Variants in ROBO3 observed in about 807,000 individuals in gnomAD.
ROBO3 encodes the protein roundabout homolog 3.
ROBO3 carries 97 observed loss-of-function variants against 160.5 expected under a neutral mutation model. The ratio of observed to expected loss-of-function variants is 0.60; its 90% CI spans 0.51 to 0.72. ROBO3 has a LOEUF of 0.72. Ranked by LOEUF, ROBO3 falls within the 30% of genes least tolerant of loss-of-function variation. The pLI, the probability that ROBO3 is intolerant of heterozygous loss-of-function variation, is 0.00. For synonymous variants in ROBO3, 780 were observed against 746.2 expected (o/e 1.05, Z -0.74); for missense variants, 1,858 against 1,846.5 (o/e 1.01, Z -0.11).
At chr11:124,866,432 A>AGCCTGCGGAGAGGCCGGAGCGCGCCCCCT in intron 1 of ROBO3, among the ~76,000 whole-genome samples, 1 of 152,282 alleles carries the variant, frequency 6.6e-6, no homozygotes, top group South Asian at 2.1e-4. Flanking sequence ...GGCCGCCGCC[A>AGCCTGCGGAGAGGCCGGAGCGCGCCCCCT]GCCTGCGGAG....
Position 124,870,019 on chromosome 11 carries a change from C to T in ROBO3, c.717C>T (p.Ser239=). 6.2e-7 allele frequency: 1 copy of T among 1,613,990 alleles called. No individual in the cohort carries two copies. Among genetic ancestry groups the T allele is most frequent in the Non-Finnish European group, 8.5e-7 (1 of 1,179,888 alleles). The change falls in exon 4 of 28, where the codon TCC becomes TCT. Residue 239 remains serine, a synonymous_variant. Coordinates refer to ENST00000397801, the MANE Select transcript of ROBO3 (RefSeq NM_022370.4). ...SDAGMYVCVA[S]NMAGERESAA... is the part of the protein sequence containing the mutation. ...CAGGCATGTATGTGTGCGTAGCCTC[C>T]AACATGGCGGGAGAACGGGAGAGTG...
Position 124,876,434 on chromosome 11 carries a change from A to G in ROBO3, c.2753A>G (p.Gln918Arg). The change falls in exon 17 of 28, where the codon CAG becomes CGG. Residue 918 changes from glutamine (Q) to arginine (R), a missense_variant. Gln to Arg is a conservative substitution (Grantham distance 43). Transcript: ENST00000397801. The surrounding 1 kb of genome is among the most constrained non-coding windows in gnomAD (Gnocchi z 5.3). ...GCCGCCCTCTACTGGCGCCGGAAAC[A>G]GCGCAAAGAGCTCAGCCACTACACG... Reference protein sequence around the residue: ...LCAALYWRRKQRKELSHYTAS... With the variant: ...LCAALYWRRKRRKELSHYTAS... 6.9e-7 allele frequency: 1 copy of G among 1,444,702 alleles called. No individual in the cohort carries two copies. The highest frequency in any genetic ancestry group is 1.4e-5 in the South Asian group (1 of 71,262). 89.5% of individuals were successfully genotyped at this position (1,444,702 alleles called of 1,614,324 possible).
At chr11:124,879,115 AGCACAGTGCCAG>A in intron 23 of ROBO3, 63 bp from the exon 24 acceptor site, 1 of 1,474,260 alleles carries the variant, frequency 6.8e-7, no homozygotes. Context: ...TTGATTGTCT[AGCACAGTGCCAG>A]GCACATAGTA....
Position 124,873,360 on chromosome 11 carries a change from A to G in ROBO3, c.1587A>G (p.Glu529=), listed in dbSNP as rs1253484590. ...GCGTGGCCAAGAGTTCCACAGGGGA[A>G]GCCACATGGAGCGGCTGGCTTAAGA... The part of the protein sequence containing the change: ...YSCVAKSSTG[E]ATWSGWLKMR... Residue 529 remains glutamate (E), a synonymous_variant, in exon 10 of 28, where the codon GAA becomes GAG. Transcript: ENST00000397801. This position sits in a 1 kb window ranked among gnomAD's most constrained non-coding sequence, Gnocchi z 4.5. 1.7e-5 allele frequency: 28 copies of G among 1,612,530 alleles called. No homozygotes were observed. Among genetic ancestry groups the G allele is most frequent in the Non-Finnish European group, 2.2e-5 (26 of 1,179,462 alleles).
rs1466322022 is a variant in ROBO3 at position 124,879,840 on chromosome 11, G to C, written c.3850G>C (p.Glu1284Gln). 6.2e-7 allele frequency: 1 copy of C among 1,613,862 alleles called. No homozygotes were observed. Among genetic ancestry groups the C allele is most frequent in the Non-Finnish European group, 8.5e-7 (1 of 1,179,850 alleles). The stretch of plus-strand genomic sequence containing the variant: ...AGAGGAAGAGGCGAGCTGGGCCCTA[G>C]AGCTGAGGGCAGCAGGCAGCATGTC... ...PPEEEASWAL[E>Q]LRAAGSMSSL... The change falls in exon 26 of 28, where the codon GAG becomes CAG. Residue 1284 changes from glutamate (E) to glutamine (Q), a missense_variant. Glu to Gln is a conservative substitution (Grantham distance 29). Coordinates refer to ENST00000397801, the MANE Select transcript of ROBO3 (RefSeq NM_022370.4).
At position 124,876,848 on chromosome 11, in the gene ROBO3, A is replaced by AGCCAGG. The variant is rs914016697; in HGVS notation, c.2780-312_2780-311insCCAGGG. ...ATTGTGCGGCGGGGTCTGGATGGAA[A>AGCCAGG]GGCGGGGCCCGCTGAAAGAAGGCGA... On this transcript the variant is annotated intron_variant, in intron 17 of 27. Coordinates refer to ENST00000397801, the MANE Select transcript of ROBO3 (RefSeq NM_022370.4). The surrounding 1 kb of genome is among the most constrained non-coding windows in gnomAD (Gnocchi z 5.3). 1.2e-5 allele frequency: 7 copies of AGCCAGG among 560,476 alleles called. No individual in the cohort carries two copies. In the Admixed American group the frequency reaches 2.2e-4, roughly 18 times the overall value. The allele number at this position is 560,476 out of a possible 1,614,324, so 34.7% of individuals were successfully genotyped here.
chr11:124,875,943 G>A lies in ROBO3; in HGVS notation c.2422-11G>A. On this transcript the variant is annotated splice_polypyrimidine_tract_variant and intron_variant, in intron 15 of 27. Transcript: ENST00000397801. Reference sequence around the variant, plus strand: ...ATTTCTGACTCTAAATCCGGGACTCGGCCTCCCTAGATCTGGTGCCTGGGC... The same window carrying A: ...ATTTCTGACTCTAAATCCGGGACTCAGCCTCCCTAGATCTGGTGCCTGGGC... The A allele has an allele frequency of 6.3e-7, 1 of 1,590,064 alleles. No homozygotes were observed.
In ROBO3 at chr11:124,865,550, C is replaced by G. The variant is rs757016180; in HGVS notation, c.-28C>G. On this transcript the variant is annotated 5_prime_UTR_variant, in exon 1 of 28. Transcript: ENST00000397801. This position sits in a 1 kb window ranked among gnomAD's most constrained non-coding sequence, Gnocchi z 5.5. ...GACCCAGGGGCTGGGCCCCCAGCCC[C>G]CAGTCCCGATCCCAGCTGGGTCGAG... 14 of 1,607,220 alleles carry G rather than the reference C, an allele frequency of 8.7e-6. No individual in the cohort carries two copies. The East Asian group carries it at 3.1e-4, about 36-fold the overall frequency.
At position 124,873,917 on chromosome 11, in the gene ROBO3, GC is replaced by G; in HGVS notation, c.1784+58del. On this transcript the variant is annotated intron_variant, in intron 11 of 27. Coordinates refer to ENST00000397801, the MANE Select transcript of ROBO3 (RefSeq NM_022370.4). The surrounding 1 kb of genome is among the most constrained non-coding windows in gnomAD (Gnocchi z 4.5). Reference sequence around the variant, plus strand: ...GAGAGTTAAAAGGAGGGGATCCTATGCCCTTAGGGTCTTTGCTATTGTGAGG... The same window carrying G: ...GAGAGTTAAAAGGAGGGGATCCTATGCCTTAGGGTCTTTGCTATTGTGAGG... 7 of 1,602,206 alleles carry G rather than the reference GC, an allele frequency of 4.4e-6. No homozygotes were observed. Among genetic ancestry groups the G allele is most frequent in the Non-Finnish European group, 6.0e-6 (7 of 1,170,516 alleles).
At position 124,872,892 on chromosome 11, in the gene ROBO3, G is replaced by T; in HGVS notation, c.1339G>T (p.Asp447Tyr). The change falls in exon 9 of 28, where the codon GAT becomes TAT. Residue 447 changes from aspartate (D) to tyrosine (Y), a missense_variant. Coordinates refer to ENST00000397801, the MANE Select transcript of ROBO3 (RefSeq NM_022370.4). The surrounding 1 kb of genome is among the most constrained non-coding windows in gnomAD (Gnocchi z 4.3). ...CGTTCTTCCTCTCTCAGCCTCTTTG[G>T]ATGGGCTGCCTCCTGTCATCCTCCA... ...ALLEIKGASLDGLPPVILQGP... is the reference protein window; with the variant it reads ...ALLEIKGASLYGLPPVILQGP... 4.4e-6 allele frequency: 7 copies of T among 1,603,740 alleles called. No homozygotes were observed. Among genetic ancestry groups the T allele is most frequent in the Non-Finnish European group, 6.0e-6 (7 of 1,175,378 alleles).
rs558038488 is a variant in ROBO3, at chr11:124,866,428, C to A, written c.160+691C>A. 1.2e-3 allele frequency among the ~76,000 whole-genome samples: 188 copies of A among 152,312 alleles called. 1 individual carries two copies. The highest frequency in any genetic ancestry group is 4.2e-3 in the African/African-American group (175 of 41,586). ...CGGGGAAGCTGCGGGAGCCGGCCGC[C>A]GCCAGCCTGCGGAGAGGCCGGAGCG... On this transcript the variant is annotated intron_variant, in intron 1 of 27. Coordinates refer to ENST00000397801, the MANE Select transcript of ROBO3 (RefSeq NM_022370.4).
chr11:124,869,593 GAAGGAAGGATC>G lies in ROBO3; in HGVS notation c.633_643del (p.Glu211AspfsTer37). On this transcript the variant is annotated frameshift_variant, in exon 3 of 28. Coordinates refer to ENST00000397801, the MANE Select transcript of ROBO3 (RefSeq NM_022370.4). LOFTEE classifies it high-confidence loss of function. This position sits in a 1 kb window ranked among gnomAD's most constrained non-coding sequence, Gnocchi z 4.2. ...GGACGGTGCAAGACTCAAGGAAGAGGAAGGAAGGATCACGGTGAGGGCGGGATTATGATTGG... is the reference window on the plus strand; with the variant it reads ...GGACGGTGCAAGACTCAAGGAAGAGGACGGTGAGGGCGGGATTATGATTGG... The G allele has an allele frequency of 6.3e-7, 1 of 1,574,816 alleles. No individual in the cohort carries two copies.
intron 1 of ROBO3, 180 bp from the exon 2 acceptor site, chr11:124,868,622 G>T: frequency 1.4e-6 from 1 of 727,534 alleles, no homozygotes; most frequent in South Asian, 1.5e-5. Context: ...GAGGAACGCG[G>T]AACGTCTGCC....
chr11:124,872,770 C>A lies in ROBO3; in HGVS notation c.1331-114C>A. ...GATTATCAAAGCCCCCTCTGATCAC[C>A]GGAAGTTTCAGGGGCTGGGGTAGGG... On this transcript the variant is annotated intron_variant, in intron 8 of 27. Transcript: ENST00000397801. This position sits in a 1 kb window ranked among gnomAD's most constrained non-coding sequence, Gnocchi z 4.3. The A allele has an allele frequency of 9.8e-7, 1 of 1,024,298 alleles. No homozygotes were observed. Among genetic ancestry groups the A allele is most frequent in the Non-Finnish European group, 1.4e-6 (1 of 720,254 alleles). 63.5% of individuals were successfully genotyped at this position (1,024,298 alleles called of 1,614,324 possible). A position where few individuals can be genotyped will look rare whatever the true frequency, so the allele number is the denominator to read the frequency against.
Position 124,872,468 on chromosome 11 carries a change from C to T in ROBO3, c.1246C>T (p.Arg416Cys), listed in dbSNP as rs751244211. The stretch of plus-strand genomic sequence containing the variant: ...CCAACTTAACATCACCGCGGTGCAG[C>T]GTGGGGATGCTGGGTACTACGTGTG... ...RGQLNITAVQ[R>C]GDAGYYVCQA... Residue 416 changes from arginine (R) to cysteine (C), a missense_variant, in exon 8 of 28, where the codon CGT becomes TGT. Transcript: ENST00000397801. The surrounding 1 kb of genome is among the most constrained non-coding windows in gnomAD (Gnocchi z 4.3). 16 of 1,613,932 alleles carry T rather than the reference C, an allele frequency of 9.9e-6. No individual in the cohort carries two copies. Among genetic ancestry groups the T allele is most frequent in the Non-Finnish European group, 1.3e-5 (15 of 1,179,868 alleles).
rs142090631 is a variant in ROBO3, at chr11:124,870,248, G to A, written c.850G>A (p.Asp284Asn). 6.6e-3 allele frequency: 10,648 copies of A among 1,614,056 alleles called. 44 individuals are homozygous for A. The highest frequency in any genetic ancestry group is 0.029 in the Middle Eastern group (176 of 6,062). ...GACTTTCCTATGTGAGGTGAAGGGGGATCCCCCACCTCGTCTACGCTGGCG... is the reference window on the plus strand; with the variant it reads ...GACTTTCCTATGTGAGGTGAAGGGGAATCCCCCACCTCGTCTACGCTGGCG... ...PVTFLCEVKG[D>N]PPPRLRWRKE... Residue 284 changes from aspartate to asparagine, a missense_variant, in exon 5 of 28, where the codon GAT becomes AAT. By Grantham distance (23) the Asp-to-Asn change is conservative (BLOSUM62 1). Transcript: ENST00000397801.
Position 124,876,294 on chromosome 11 carries a change from G to T in ROBO3, c.2613G>T (p.Glu871Asp). 4.8e-6 allele frequency: 7 copies of T among 1,462,516 alleles called. No homozygotes were observed. The highest frequency in any genetic ancestry group is 6.3e-6 in the Non-Finnish European group (7 of 1,119,946). The allele number at this position is 1,462,516 out of a possible 1,614,324, so 90.6% of individuals were successfully genotyped here. A position where few individuals can be genotyped will look rare whatever the true frequency, so the allele number is the denominator to read the frequency against. The change falls in exon 17 of 28, where the codon GAG becomes GAT. Residue 871 changes from glutamate to aspartate, a missense_variant. Coordinates refer to ENST00000397801, the MANE Select transcript of ROBO3 (RefSeq NM_022370.4). The surrounding 1 kb of genome is among the most constrained non-coding windows in gnomAD (Gnocchi z 5.3). ...CCACAGCGTCCCCGCCGGACCTGGAGCCCGGGCTGGAGGTGGGCGCGGGGC... is the reference window on the plus strand; with the variant it reads ...CCACAGCGTCCCCGCCGGACCTGGATCCCGGGCTGGAGGTGGGCGCGGGGC... ...LVQLPSPPDLEPGLEVGAGLA... is the reference protein window; with the variant it reads ...LVQLPSPPDLDPGLEVGAGLA...
rs75098003 is a variant in ROBO3, at chr11:124,877,943, G to T, written c.2993G>T (p.Gly998Val). ...DPDDRYYNEA[G>V]ISLYLAQTAR... Reference sequence around the variant, plus strand: ...CCCTCTTTCTTCTCTGCAGAAGCGGGAATCTCCCTGTATCTAGCTCAGACG... The same window carrying T: ...CCCTCTTTCTTCTCTGCAGAAGCGGTAATCTCCCTGTATCTAGCTCAGACG... Residue 998 changes from glycine to valine, a missense_variant, in exon 21 of 28, where the codon GGA becomes GTA. By Grantham distance (109) the Gly-to-Val change is moderately radical (BLOSUM62 -3). Transcript: ENST00000397801. The T allele has an allele frequency of 2.5e-3, 4,064 of 1,601,544 alleles. 10 individuals are homozygous for T. The highest frequency in any genetic ancestry group is 9.3e-3 in the Middle Eastern group (56 of 6,048).
rs1565313592 is a variant in ROBO3 at position 124,876,125 on chromosome 11, C to T, written c.2593C>T (p.Pro865Ser). 3.1e-6 allele frequency: 5 copies of T among 1,598,044 alleles called. No homozygotes were observed. The highest frequency in any genetic ancestry group is 4.5e-5 in the East Asian group (2 of 44,720). The stretch of plus-strand genomic sequence containing the variant: ...CAGTGCCCCAGTGCTGGTGCAGCTG[C>T]GTGAGTCCACCCGAGGGCAGTGCTG... ...VPSAPVLVQL[P>S]SPPDLEPGLE... The change falls in exon 16 of 28, where the codon CCG becomes TCG. Residue 865 changes from proline (P) to serine (S), a missense_variant and splice_region_variant. Transcript: ENST00000397801. This position sits in a 1 kb window ranked among gnomAD's most constrained non-coding sequence, Gnocchi z 5.3.
Sources: allele counts gnomAD v4.1 joint callset (sites outside exome capture counted in the v4.1 genomes callset), GRCh38; gene constraint gnomAD v4.1.1; non-coding constraint Gnocchi (gnomAD v3.1); transcripts MANE v1.5; gene names NCBI Gene and HGNC (gene_info 2026-07-23, HGNC 2026-07-21).